The following PNKD variants were observed in gnomAD, a reference collection of about 807,000 sequenced individuals.
PNKD encodes probable thioesterase PNKD.
Under a neutral mutation model 45.3 loss-of-function variants are expected in PNKD, and 36 were observed. The observed-to-expected ratio is 0.80, with a 90% CI of 0.61 to 1.05. PNKD has a LOEUF of 1.05. Ranked by LOEUF, PNKD falls within the 50% of genes least tolerant of loss-of-function variation. PNKD has a pLI of 0.00. For synonymous variants in PNKD, 197 were observed against 210.1 expected (o/e 0.94, Z 0.54); for missense variants, 511 against 506.6 (o/e 1.01, Z -0.08).
intron 2 of PNKD, chr2:218,282,322 T>C: frequency 3.7e-6 from 2 of 535,142 alleles, no homozygotes; most frequent in Non-Finnish European, 6.3e-6. Context: ...AGCGTGTGAT[T>C]TGCTGTCCAC....
intron 2 of PNKD, among the ~76,000 whole-genome samples, chr2:218,273,858 C>G (rs1690972504): frequency 6.6e-6 from 1 of 152,058 alleles, no homozygotes; most frequent in Non-Finnish European, 1.5e-5. Context: ...GCAGTCCATC[C>G]CCTCCTCCAT....
chr2:218,305,238 A>G (rs545090196), intron 2 of PNKD, among the ~76,000 whole-genome samples: 10 of 151,990 alleles, frequency 6.6e-5, no homozygotes, highest in Non-Finnish European at 1.0e-4. Context: ...CATTTATCAC[A>G]CTGCATGCAT....
intron 2 of PNKD, chr2:218,276,220 A>G: frequency 1.2e-6 from 1 of 836,746 alleles, no homozygotes; most frequent in Non-Finnish European, 1.9e-6. Flanking sequence ...CTGCCTTTCC[A>G]GATCTTGGAG....
rs148953301 is a variant in PNKD, at chr2:218,344,897, G to A, written c.1074G>A (p.Pro358=). Residue 358 remains proline, a synonymous_variant, in exon 10 of 10, where the codon CCG becomes CCA. Transcript: ENST00000273077. ...TACAGGAGGCTCTGGGGCCGGGGCC[G>A]GGCCCCACTGGGGATGATGACTACT... The part of the protein sequence containing the change: ...LALQEALGPG[P]GPTGDDDYSR... The A allele has an allele frequency of 4.9e-5, 79 of 1,613,396 alleles. No homozygotes were observed. Among genetic ancestry groups the A allele is most frequent in the South Asian group, 4.1e-4 (37 of 91,064 alleles).
At chr2:218,331,040 G>A (rs559673308) in intron 2 of PNKD, among the ~76,000 whole-genome samples, 1 of 152,338 alleles carries the variant, frequency 6.6e-6, no homozygotes, top group African/African-American at 2.4e-5. Context: ...CCGTATCTCT[G>A]GTAATGGCTT....
At chr2:218,334,999 A>T (rs1454572844) in intron 2 of PNKD, among the ~76,000 whole-genome samples, 1 of 151,850 alleles carries the variant, frequency 6.6e-6, no homozygotes, top group Non-Finnish European at 1.5e-5. Context: ...AATAATAAAA[A>T]TAATTAGCTG....
At chr2:218,313,272 G>A (rs1297725109) in intron 2 of PNKD, among the ~76,000 whole-genome samples, 1 of 151,932 alleles carries the variant, frequency 6.6e-6, no homozygotes, top group East Asian at 1.9e-4. Flanking sequence ...CATCATGCCC[G>A]GCTAATTTTT....
chr2:218,303,081 A>C lies in PNKD; in HGVS notation c.236+31532A>C, dbSNP rs189168311. On this transcript the variant is annotated intron_variant, in intron 2 of 9. Coordinates refer to ENST00000273077, the MANE Select transcript of PNKD (RefSeq NM_015488.5). ...CAGCCTCCCAAGTAGCTGGGATTAC[A>C]GGTGCCCACCACCATGCCCAGCTAA... Among the ~76,000 whole-genome samples the C allele has an allele frequency of 2.4e-3, 372 of 152,308 alleles. 2 individuals carry two copies. The highest frequency in any genetic ancestry group is 8.5e-3 in the African/African-American group (353 of 41,560).
intron 2 of PNKD, among the ~76,000 whole-genome samples, chr2:218,306,159 C>T (rs372148541): frequency 3.9e-4 from 59 of 152,250 alleles, no homozygotes; most frequent in East Asian, 2.5e-3. Flanking sequence ...GCAGCAGGAA[C>T]GCCACACACT....
At chr2:218,273,236 C>T (rs185121660) in intron 2 of PNKD, among the ~76,000 whole-genome samples, 3 of 152,026 alleles carry the variant, frequency 2.0e-5, no homozygotes, top group African/African-American at 7.3e-5. Flanking sequence ...CCAAATGACT[C>T]GACTCTGGGC....
chr2:218,344,150 C>T (rs535236223), intron 8 of PNKD, among the ~76,000 whole-genome samples: 2 of 152,322 alleles, frequency 1.3e-5, no homozygotes, highest in Non-Finnish European at 2.9e-5. Context: ...AATTGTGCCT[C>T]AGAGAGGGGC....
At chr2:218,276,861 C>G in intron 2 of PNKD, 1 of 677,920 alleles carries the variant, frequency 1.5e-6, no homozygotes, top group Middle Eastern at 3.6e-4. Context: ...GCTGCCTCCA[C>G]GTTGGTGCCT....
At chr2:218,310,249 A>G (rs1209792041) in intron 2 of PNKD, among the ~76,000 whole-genome samples, 3 of 151,982 alleles carry the variant, frequency 2.0e-5, no homozygotes, top group South Asian at 2.1e-4. Flanking sequence ...TTGAGACGGA[A>G]TCTCACTCTG....
chr2:218,340,902 CCTTCCT>C lies in PNKD; in HGVS notation c.524+118_524+123del. ...AGAAGTCAGTACGGGCCGGCACCCG[CCTTCCT>C]CGTGAAGTCACCTGGACACCAGCAG... On this transcript the variant is annotated intron_variant, in intron 5 of 9. Transcript: ENST00000273077. This position sits in a 1 kb window ranked among gnomAD's most constrained non-coding sequence, Gnocchi z 4.2. The C allele has an allele frequency of 1.2e-6, 1 of 841,964 alleles. No individual in the cohort carries two copies. The highest frequency in any genetic ancestry group is 2.1e-6 in the Non-Finnish European group (1 of 486,918). 52.2% of individuals were successfully genotyped at this position (841,964 alleles called of 1,614,324 possible).
chr2:218,310,980 C>A (rs1693599009), intron 2 of PNKD, among the ~76,000 whole-genome samples: 1 of 152,144 alleles, frequency 6.6e-6, no homozygotes, highest in Admixed American at 6.6e-5. Flanking sequence ...ACATGCCGTG[C>A]AGGTTTGTGG....
chr2:218,275,525 T>A, intron 2 of PNKD: 1 of 1,614,168 alleles, frequency 6.2e-7, no homozygotes, highest in Non-Finnish European at 8.5e-7. Context: ...ATGTAGATGA[T>A]GTCTGTGTAA....
At chr2:218,292,535 G>A (rs551990638) in intron 2 of PNKD, 1 of 152,156 alleles carries the variant, frequency 6.6e-6, no homozygotes, top group East Asian at 1.9e-4. Context: ...GGCAGGGCTA[G>A]GCTCGGCTGG....
intron 2 of PNKD, among the ~76,000 whole-genome samples, chr2:218,289,433 G>C (rs921772612): frequency 6.6e-6 from 1 of 152,028 alleles, no homozygotes; most frequent in Non-Finnish European, 1.5e-5. Context: ...CTTGAGGTCA[G>C]GTGTTCGAGA....
intron 2 of PNKD, among the ~76,000 whole-genome samples, chr2:218,321,911 A>T (rs1574699655): frequency 7.0e-6 from 1 of 142,950 alleles, no homozygotes; most frequent in African/African-American, 2.6e-5. Context: ...AGCGTGAGCC[A>T]CCGCTCCCGG....
Sources: allele counts gnomAD v4.1 joint callset (sites outside exome capture counted in the v4.1 genomes callset), GRCh38; gene constraint gnomAD v4.1.1; non-coding constraint Gnocchi (gnomAD v3.1); transcripts MANE v1.5; gene names NCBI Gene and HGNC (gene_info 2026-07-23, HGNC 2026-07-21).